PDE3A: variants seen among roughly 807,000 people sequenced by gnomAD.
PDE3A encodes the protein cGMP-inhibited 3',5'-cyclic phosphodiesterase 3A.
Under a neutral mutation model 98.3 loss-of-function variants are expected in PDE3A, and 43 were observed. The observed-to-expected ratio is 0.44, with a 90% CI of 0.34 to 0.56. The LOEUF (loss-of-function observed/expected upper bound fraction) is 0.56. Ranked by LOEUF, PDE3A falls within the 20% of genes least tolerant of loss-of-function variation. The probability of loss-of-function intolerance (pLI) is 0.01; values close to 1 mark genes in which losing one functional copy is unlikely to be tolerated. For synonymous variants in PDE3A, 663 were observed against 567.9 expected, an observed-to-expected ratio of 1.17 and a Z score of -2.38; for missense variants, 1,427 against 1,440.7, an observed-to-expected ratio of 0.99 and a Z score of 0.15.
chr12:20,522,192 C>T (rs1946442806), intron 1 of PDE3A, among the ~76,000 whole-genome samples: 1 of 152,088 alleles, frequency 6.6e-6, no homozygotes, highest in Admixed American at 6.5e-5. Context: ...TTCACGTCTG[C>T]TCTCTCATGT....
intron 1 of PDE3A, among the ~76,000 whole-genome samples, chr12:20,442,122 C>A (rs186985992): frequency 2.0e-5 from 3 of 152,206 alleles, no homozygotes; most frequent in Non-Finnish European, 4.4e-5. Flanking sequence ...ATTTGAAAAT[C>A]TGTTTCCAGA....
At chr12:20,415,150 C>T (rs1944402006) in intron 1 of PDE3A, among the ~76,000 whole-genome samples, 1 of 150,948 alleles carries the variant, frequency 6.6e-6, no homozygotes, top group Non-Finnish European at 1.5e-5. Flanking sequence ...TTGTATCATG[C>T]CCATAGCAGC....
chr12:20,414,024 T>C (rs1944379127), intron 1 of PDE3A, among the ~76,000 whole-genome samples: 1 of 152,100 alleles, frequency 6.6e-6, no homozygotes, highest in Admixed American at 6.5e-5. Flanking sequence ...CTGTGAAAGG[T>C]GATGATAGAT....
At position 20,613,012 on chromosome 12, in the gene PDE3A, G is replaced by A. The variant is rs117311265; in HGVS notation, c.1012-431G>A. Among the ~76,000 whole-genome samples, 658 of 151,884 alleles carry A rather than the reference G, an allele frequency of 4.3e-3. 1 individual carries two copies. Among genetic ancestry groups the A allele is most frequent in the Non-Finnish European group, 7.3e-3 (496 of 67,954 alleles). On this transcript the variant is annotated intron_variant, in intron 2 of 15. Transcript: ENST00000359062. ...AAAAATATTCATTGAATAAACACCA[G>A]GTTCAAGTGTCACATTAAAATATTA...
At chr12:20,520,701 T>A (rs1946407293) in intron 1 of PDE3A, among the ~76,000 whole-genome samples, 1 of 152,204 alleles carries the variant, frequency 6.6e-6, no homozygotes, top group African/African-American at 2.4e-5. Flanking sequence ...ATGATCCCTC[T>A]GCCGCTTCTT....
chr12:20,540,460 T>A (rs916023189), intron 1 of PDE3A, among the ~76,000 whole-genome samples: 10 of 152,204 alleles, frequency 6.6e-5, no homozygotes, highest in African/African-American at 2.4e-4. Context: ...GGATTTGCCA[T>A]CTTCTGAGAA....
chr12:20,472,537 A>C (rs536327951), intron 1 of PDE3A, among the ~76,000 whole-genome samples: 2 of 152,092 alleles, frequency 1.3e-5, no homozygotes. Context: ...CAGTTGTTAA[A>C]TCTGTCTCTG....
Position 20,526,742 on chromosome 12 carries a change from G to A in PDE3A, c.961-29918G>A, listed in dbSNP as rs117713784. Among the ~76,000 whole-genome samples the A allele has an allele frequency of 3.5e-4, 52 of 149,852 alleles. 1 individual carries two copies. In the East Asian group the frequency reaches 0.01, roughly 29 times the overall value. ...ACTGATTTTTTTTTTTTTACTTGCT[G>A]AATCTCATTTCATGTCAATATGAGT... On this transcript the variant is annotated intron_variant, in intron 1 of 15. Transcript: ENST00000359062.
At chr12:20,549,587 T>C (rs192631645) in intron 1 of PDE3A, among the ~76,000 whole-genome samples, 9 of 152,256 alleles carry the variant, frequency 5.9e-5, no homozygotes, top group African/African-American at 2.2e-4. Flanking sequence ...ATTTGTCATA[T>C]GCAGAGTTCA....
chr12:20,558,874 C>A (rs1295894258), intron 2 of PDE3A, among the ~76,000 whole-genome samples: 1 of 152,128 alleles, frequency 6.6e-6, no homozygotes, highest in Non-Finnish European at 1.5e-5. Flanking sequence ...CAAAGCCTTG[C>A]TCAAGTCCCA....
chr12:20,680,208 A>G lies in PDE3A; in HGVS notation c.3363A>G (p.Glu1121=). ...HSSEQIQAIK[E]EEEEKGKPRG... The stretch of plus-strand genomic sequence containing the variant: ...CAGAACAGATCCAGGCTATCAAGGA[A>G]GAAGAAGAAGAGAAAGGGAAACCAA... The change falls in exon 16 of 16, where the codon GAA becomes GAG. Residue 1121 remains glutamate (E), a synonymous_variant. Transcript: ENST00000359062. The G allele has an allele frequency of 6.2e-7, 1 of 1,608,476 alleles. No homozygotes were observed. The highest frequency in any genetic ancestry group is 1.1e-5 in the South Asian group (1 of 90,848).
intron 1 of PDE3A, among the ~76,000 whole-genome samples, chr12:20,518,679 G>A (rs558405219): frequency 3.3e-5 from 5 of 151,858 alleles, no homozygotes; most frequent in South Asian, 4.2e-4. Context: ...TCCCCCTTTT[G>A]CATGTAAAAG....
At chr12:20,623,204 G>GT (rs1278679987) in intron 5 of PDE3A, among the ~76,000 whole-genome samples, 1 of 151,962 alleles carries the variant, frequency 6.6e-6, no homozygotes, top group Non-Finnish European at 1.5e-5. Context: ...GAATTGGGAA[G>GT]TATAATAGAT....
intron 15 of PDE3A, among the ~76,000 whole-genome samples, chr12:20,657,187 A>G (rs1283461987): frequency 6.6e-6 from 1 of 152,236 alleles, no homozygotes; most frequent in Non-Finnish European, 1.5e-5. Flanking sequence ...ATAGAGTAAC[A>G]GAATTTTAGA....
chr12:20,567,619 C>G (rs1320321050), intron 2 of PDE3A, among the ~76,000 whole-genome samples: 2 of 151,938 alleles, frequency 1.3e-5, no homozygotes, highest in East Asian at 1.9e-4. Context: ...TACTCCCCCC[C>G]ACTTCCTCCC....
chr12:20,546,601 T>A (rs1942066040), intron 1 of PDE3A, among the ~76,000 whole-genome samples: 1 of 152,024 alleles, frequency 6.6e-6, no homozygotes, highest in African/African-American at 2.4e-5. Flanking sequence ...CAATCAAACA[T>A]GCCCAGGTTA....
At chr12:20,657,178 T>C (rs1325226158) in intron 15 of PDE3A, among the ~76,000 whole-genome samples, 1 of 152,138 alleles carries the variant, frequency 6.6e-6, no homozygotes, top group Non-Finnish European at 1.5e-5. Flanking sequence ...ATTGGCCACA[T>C]AGAGTAACAG....
At chr12:20,622,345 G>C (rs576263661) in intron 5 of PDE3A, among the ~76,000 whole-genome samples, 2 of 152,204 alleles carry the variant, frequency 1.3e-5, no homozygotes, top group African/African-American at 4.8e-5. Context: ...TGCTATGAAG[G>C]CAAGAACAAT....
chr12:20,646,404 T>C, intron 10 of PDE3A, 86 bp from the exon 11 acceptor site: 1 of 769,758 alleles, frequency 1.3e-6, no homozygotes, highest in Middle Eastern at 2.3e-4. Flanking sequence ...ATGTTAGGAC[T>C]AAACTGTTTG....
Sources: allele counts gnomAD v4.1 joint callset (sites outside exome capture counted in the v4.1 genomes callset), GRCh38; gene constraint gnomAD v4.1.1; transcripts MANE v1.5; gene names NCBI Gene and HGNC (gene_info 2026-07-23, HGNC 2026-07-21).